Variants in LMAN1 observed in about 807,000 individuals in gnomAD.
The protein encoded by LMAN1 is lectin, mannose binding 1.
LMAN1 carries 32 observed loss-of-function variants against 67.8 expected under a neutral mutation model. The ratio of observed to expected loss-of-function variants is 0.47; its 90% CI spans 0.36 to 0.63. LMAN1 has a LOEUF of 0.63. Among genes scored for constraint, LMAN1 ranks in the 30% least tolerant of loss-of-function variants. LMAN1 has a pLI of 0.00. For synonymous variants in LMAN1, 235 were observed against 219.3 expected, an observed-to-expected ratio of 1.07 and a Z score of -0.63; for missense variants, 632 against 628.2, an observed-to-expected ratio of 1.01 and a Z score of -0.06.
intron 3 of LMAN1, 29 bp from the exon 4 acceptor site, chr18:59,354,609 T>C: frequency 8.7e-7 from 1 of 1,150,904 alleles, no homozygotes; most frequent in Non-Finnish European, 1.3e-6. Context: ...TTTTAAAAAA[T>C]GTCTTTAATC....
intron 1 of LMAN1, among the ~76,000 whole-genome samples, chr18:59,357,214 T>G (rs1471871737): frequency 6.6e-6 from 1 of 152,222 alleles, no homozygotes; most frequent in Admixed American, 6.5e-5. Flanking sequence ...TCAAATTCAT[T>G]CTAGCCACAC....
rs964985785 is a variant in LMAN1 at position 59,345,979 on chromosome 18, C to T, written c.895G>A (p.Glu299Lys). The T allele has an allele frequency of 1.9e-6, 3 of 1,613,860 alleles. No homozygotes were observed. The highest frequency in any genetic ancestry group is 2.7e-5 in the African/African-American group (2 of 74,968). Residue 299 changes from glutamate to lysine, a missense_variant, in exon 8 of 13, where the codon GAA becomes AAA. Glu to Lys is a moderately conservative substitution (Grantham distance 56). Coordinates refer to ENST00000251047, the MANE Select transcript of LMAN1 (RefSeq NM_005570.4). ...YQEEFEHFQQ[E>K]LDKKKEEFQK... ...AATTCCTCTTTTTTTTTATCCAATTCTTGTTGAAAGTGCTCAAATTCCTCC... is the reference window on the plus strand; with the variant it reads ...AATTCCTCTTTTTTTTTATCCAATTTTTGTTGAAAGTGCTCAAATTCCTCC...
intron 5 of LMAN1, among the ~76,000 whole-genome samples, chr18:59,350,701 G>GT (rs1908525232): frequency 6.6e-6 from 1 of 151,922 alleles, no homozygotes; most frequent in Non-Finnish European, 1.5e-5. Flanking sequence ...TTCACCGTGT[G>GT]AGCCAGGATG....
At chr18:59,337,132 C>G (rs1424483793) in intron 10 of LMAN1, among the ~76,000 whole-genome samples, 1 of 149,466 alleles carries the variant, frequency 6.7e-6, no homozygotes, top group East Asian at 1.9e-4. Flanking sequence ...CAGCCAACAT[C>G]ATCAGTAATA....
At position 59,329,657 on chromosome 18, in the gene LMAN1, C is replaced by T. The variant is rs377481109; in HGVS notation, c.*1436G>A. The T allele has an allele frequency of 6.6e-5, 10 of 152,002 alleles. No homozygotes were observed. The highest frequency in any genetic ancestry group is 4.4e-5 in the Non-Finnish European group (3 of 67,976). The allele number at this position is 152,002 out of a possible 1,614,324, so 9.4% of individuals were successfully genotyped here. ...CCAGACTGTTTGCACACACAGCACT[C>T]GTTTGGTATTGCTATAATACAGAGT... On this transcript the variant is annotated 3_prime_UTR_variant, in exon 13 of 13. Coordinates refer to ENST00000251047, the MANE Select transcript of LMAN1 (RefSeq NM_005570.4).
At chr18:59,331,919 C>G (rs2070750008) in intron 11 of LMAN1, among the ~76,000 whole-genome samples, 1 of 152,154 alleles carries the variant, frequency 6.6e-6, no homozygotes, top group Non-Finnish European at 1.5e-5. Context: ...TCAAAAGTGT[C>G]CCAGGTCAGA....
In LMAN1 at chr18:59,338,593, G is replaced by A. The variant is rs1421192286; in HGVS notation, c.1184C>T (p.Thr395Ile). The change falls in exon 10 of 13, where the codon ACT (threonine) becomes ATT (isoleucine). Residue 395 changes from threonine (T) to isoleucine (I), a missense_variant. Physicochemically the swap from Thr to Ile is moderately conservative, Grantham distance 89. Coordinates refer to ENST00000251047, the MANE Select transcript of LMAN1 (RefSeq NM_005570.4). ...TQQELDTVVK[T>I]QHEILRQVNE... The stretch of plus-strand genomic sequence containing the variant: ...TACTTGTCTCAGAATCTCATGCTGA[G>A]TTTTCACAACAGTATCCAGTTCTTG... 2.5e-6 allele frequency: 4 copies of A among 1,613,930 alleles called. No individual in the cohort carries two copies. The highest frequency in any genetic ancestry group is 3.4e-6 in the Non-Finnish European group (4 of 1,179,866).
chr18:59,338,924 G>T lies in LMAN1; in HGVS notation c.985C>A (p.Arg329=). 1 of 1,612,862 alleles carries T rather than the reference G, an allele frequency of 6.2e-7. No individual in the cohort carries two copies. The highest frequency in any genetic ancestry group is 8.5e-7 in the Non-Finnish European group (1 of 1,179,770). ...AEEIFESVGD[R]ELRQVFEGQN... ...CCTTCAAAGACTTGTCTTAGCTCTC[G>T]ATCTCCTACACTCTCAAATATTTCC... The change falls in exon 9 of 13, where the codon CGA becomes AGA. Residue 329 remains arginine, a synonymous_variant. Transcript: ENST00000251047.
Position 59,338,846 on chromosome 18 carries a change from T to C in LMAN1, c.1063A>G (p.Ile355Val). The C allele has an allele frequency of 6.2e-7, 1 of 1,613,938 alleles. No homozygotes were observed. The highest frequency in any genetic ancestry group is 8.5e-7 in the Non-Finnish European group (1 of 1,179,952). Reference sequence around the variant, plus strand: ...ACATATCTTCTCTGTTCATCAAGAATCATATCTAACTGCCGGTTCAGCTGC... The same window carrying C: ...ACATATCTTCTCTGTTCATCAAGAACCATATCTAACTGCCGGTTCAGCTGC... ...IKQLNRQLDM[I>V]LDEQRRYVSS... Residue 355 changes from isoleucine to valine, a missense_variant, in exon 9 of 13, where the codon ATT (isoleucine) becomes GTT (valine). Ile to Val is a conservative substitution (Grantham distance 29). Coordinates refer to ENST00000251047, the MANE Select transcript of LMAN1 (RefSeq NM_005570.4).
chr18:59,349,777 G>A (rs1050393088), intron 5 of LMAN1, among the ~76,000 whole-genome samples: 1 of 152,124 alleles, frequency 6.6e-6, no homozygotes, highest in African/African-American at 2.4e-5. Flanking sequence ...AAAGATGTAC[G>A]TTTCTACTTT....
At chr18:59,358,501 T>C (rs1446266327) in intron 1 of LMAN1, among the ~76,000 whole-genome samples, 2 of 151,776 alleles carry the variant, frequency 1.3e-5, no homozygotes, top group African/African-American at 2.4e-5. Flanking sequence ...CTATATGCCA[T>C]CTCAGGAGCC....
chr18:59,339,811 C>A (rs148351708), intron 8 of LMAN1, among the ~76,000 whole-genome samples: 44 of 152,268 alleles, frequency 2.9e-4, no homozygotes, highest in Admixed American at 9.1e-4. Context: ...GCACTCCCCA[C>A]AGCTTCTTGC....
chr18:59,345,839 G>A (rs1330074766), intron 8 of LMAN1, 80 bp downstream of exon 8: 2 of 1,521,690 alleles, frequency 1.3e-6, no homozygotes, highest in Non-Finnish European at 1.8e-6. Flanking sequence ...GATGAGCTAG[G>A]CAACACAGAG....
intron 1 of LMAN1, 145 bp downstream of exon 1, chr18:59,358,886 T>C: frequency 1.2e-6 from 1 of 807,540 alleles, no homozygotes; most frequent in Admixed American, 2.0e-5. Flanking sequence ...GCGGAGGGGC[T>C]GCCAGGAGGG....
chr18:59,346,094 A>G, intron 7 of LMAN1, 43 bp from the exon 8 acceptor site: 1 of 1,505,436 alleles, frequency 6.6e-7, no homozygotes, highest in Non-Finnish European at 9.1e-7. Flanking sequence ...AAAGATAAGA[A>G]AATCATTAAG....
chr18:59,357,336 C>T (rs985204537), intron 1 of LMAN1, among the ~76,000 whole-genome samples: 8 of 152,098 alleles, frequency 5.3e-5, no homozygotes, highest in African/African-American at 1.4e-4. Context: ...GATTAACATT[C>T]CTAATTGGCT....
chr18:59,336,351 A>G (rs1231334506), intron 10 of LMAN1, among the ~76,000 whole-genome samples: 2 of 152,244 alleles, frequency 1.3e-5, no homozygotes, highest in Non-Finnish European at 2.9e-5. Flanking sequence ...GCTCAAAAAA[A>G]GATGAGGGCT....
At chr18:59,354,839 G>C (rs1035331433) in intron 3 of LMAN1, among the ~76,000 whole-genome samples, 1 of 152,184 alleles carries the variant, frequency 6.6e-6, no homozygotes, top group Non-Finnish European at 1.5e-5. Context: ...TTTCCAATTT[G>C]TAAGTACATT....
intron 10 of LMAN1, 177 bp from the exon 11 acceptor site, chr18:59,333,421 C>T (rs757760182): frequency 1.3e-4 from 74 of 564,782 alleles, no homozygotes; most frequent in Middle Eastern, 9.5e-4. Flanking sequence ...ATTTATAAAA[C>T]GACATTATGC....
Sources: allele counts gnomAD v4.1 joint callset (sites outside exome capture counted in the v4.1 genomes callset), GRCh38; gene constraint gnomAD v4.1.1; transcripts MANE v1.5; gene names NCBI Gene and HGNC (gene_info 2026-07-23, HGNC 2026-07-21).